TCF4: variants seen among roughly 807,000 people sequenced by gnomAD.
TCF4 encodes SL3-3 enhancer factor 2.
TCF4 carries 3 observed loss-of-function variants against 82.1 expected under a neutral mutation model. That is an observed-to-expected ratio of 0.04 (90% CI 0.02 to 0.09). The LOEUF is 0.09. Ranked by LOEUF, TCF4 falls within the 10% of genes least tolerant of loss-of-function variation. The pLI is 1.00. For synonymous variants in TCF4, 276 were observed against 309.6 expected (o/e 0.89, Z 1.14); for missense variants, 518 against 852.7 (o/e 0.61, Z 4.89).
intron 3 of TCF4, among the ~76,000 whole-genome samples, chr18:55,527,451 G>C (rs527572058): frequency 6.6e-6 from 1 of 152,260 alleles, no homozygotes; most frequent in East Asian, 1.9e-4. Flanking sequence ...TAGGAAATAC[G>C]GAGGAAGCAG....
chr18:55,243,245 GT>G, intron 15 of TCF4, among the ~76,000 whole-genome samples: 2 of 152,318 alleles, frequency 1.3e-5, no homozygotes, highest in Admixed American at 1.3e-4. Context: ...TAAGGACTGT[GT>G]GTTAACATGT....
At chr18:55,274,145 G>T (rs2060980608) in intron 10 of TCF4, among the ~76,000 whole-genome samples, 1 of 152,076 alleles carries the variant, frequency 6.6e-6, no homozygotes, top group Non-Finnish European at 1.5e-5. Flanking sequence ...GGAAAATGAT[G>T]GTGCAGAAAT....
chr18:55,428,893 TG>T (rs1682584488), intron 5 of TCF4, among the ~76,000 whole-genome samples: 2 of 152,068 alleles, frequency 1.3e-5, no homozygotes, highest in South Asian at 4.1e-4. Context: ...TTTGGTGAAC[TG>T]ATGAGAGGTC....
At chr18:55,430,726 G>C (rs2095164905) in intron 5 of TCF4, among the ~76,000 whole-genome samples, 1 of 152,158 alleles carries the variant, frequency 6.6e-6, no homozygotes, top group Admixed American at 6.5e-5. Context: ...GGTTTTAAAA[G>C]ACAAAACGAA....
intron 3 of TCF4, among the ~76,000 whole-genome samples, chr18:55,523,902 A>T (rs2096954920): frequency 6.6e-6 from 1 of 152,154 alleles, no homozygotes; most frequent in African/African-American, 2.4e-5. Flanking sequence ...TTTAAAATGA[A>T]AAATACCACC....
intron 3 of TCF4, among the ~76,000 whole-genome samples, chr18:55,568,798 A>T (rs2097432711): frequency 6.6e-6 from 1 of 152,186 alleles, no homozygotes; most frequent in Non-Finnish European, 1.5e-5. Flanking sequence ...AAAAAATATT[A>T]TATGCCAATC....
chr18:55,368,081 T>A (rs151289957), intron 6 of TCF4, among the ~76,000 whole-genome samples: 3,474 of 152,252 alleles, frequency 0.023, 66 homozygotes, highest in Non-Finnish European at 0.035. Flanking sequence ...AGATTACCCA[T>A]GAAAAAACCT....
chr18:55,257,523 T>C (rs981945832), intron 13 of TCF4, 132 bp from the exon 14 acceptor site: 3 of 837,986 alleles, frequency 3.6e-6, no homozygotes, highest in African/African-American at 1.7e-5. Flanking sequence ...TAAATACATG[T>C]AAACTTCCCA....
At chr18:55,430,645 A>G (rs2095160895) in intron 5 of TCF4, among the ~76,000 whole-genome samples, 1 of 152,180 alleles carries the variant, frequency 6.6e-6, no homozygotes, top group Admixed American at 6.5e-5. Flanking sequence ...AAGCAGGAAA[A>G]AAAAAAAGAG....
chr18:55,620,800 C>CTT lies in TCF4; in HGVS notation c.286+10496_286+10497dup, dbSNP rs35186442. Among the ~76,000 whole-genome samples, 570 of 143,698 alleles carry CTT rather than the reference C, an allele frequency of 4.0e-3. 2 individuals are homozygous for CTT. Among genetic ancestry groups the CTT allele is most frequent in the African/African-American group, 0.012 (473 of 39,112 alleles). The allele number at this position is 143,698 out of a possible 152,430, so 94.3% of individuals were successfully genotyped here. On this transcript the variant is annotated intron_variant, in intron 2 of 20. Coordinates refer to the TCF4 transcript ENST00000398339. ...ATTATCTCATATATTTTGTCCAGTT[C>CTT]TTTTTTTTTTTTTTGGTTCTTGCAG... is the stretch of plus-strand genomic sequence containing the variant.
chr18:55,433,036 T>C (rs1237673438), intron 5 of TCF4, among the ~76,000 whole-genome samples: 1 of 152,164 alleles, frequency 6.6e-6, no homozygotes, highest in East Asian at 1.9e-4. Flanking sequence ...TTTAAAAAAG[T>C]AAAAAAAGTG....
At chr18:55,230,608 T>C (rs191538336) in intron 17 of TCF4, 1 of 152,272 alleles carries the variant, frequency 6.6e-6, no homozygotes, top group East Asian at 1.9e-4. Flanking sequence ...ACAATTAACC[T>C]AAAGGGTAAT....
chr18:55,515,251 T>G (rs1056364265), intron 3 of TCF4, among the ~76,000 whole-genome samples: 2 of 152,116 alleles, frequency 1.3e-5, no homozygotes, highest in Non-Finnish European at 2.9e-5. Flanking sequence ...ACCCAGAGTA[T>G]AAAACTCACG....
chr18:55,375,018 A>C (rs1378880524), intron 6 of TCF4, among the ~76,000 whole-genome samples: 3 of 151,952 alleles, frequency 2.0e-5, no homozygotes, highest in Non-Finnish European at 4.4e-5. Context: ...CAAGATGTCA[A>C]CTAGGCAAAG....
intron 14 of TCF4, 42 bp from the exon 15 acceptor site, chr18:55,254,742 A>G: frequency 6.4e-7 from 1 of 1,554,300 alleles, no homozygotes; most frequent in Non-Finnish European, 8.7e-7. Flanking sequence ...TTAGTTCAAA[A>G]GGGGTGCCTA....
intron 3 of TCF4, among the ~76,000 whole-genome samples, chr18:55,571,347 C>A (rs1008392541): frequency 2.0e-5 from 3 of 152,186 alleles, no homozygotes; most frequent in African/African-American, 7.2e-5. Flanking sequence ...AAACAACATA[C>A]AGTATTGTTT....
intron 2 of TCF4, among the ~76,000 whole-genome samples, chr18:55,621,591 ATT>A (rs2097719366): frequency 5.1e-5 from 1 of 19,778 alleles, no homozygotes; most frequent in Non-Finnish European, 9.1e-5. Flanking sequence ...TATATATTAT[ATT>A]ATATATTATG....
At chr18:55,276,542 G>A (rs971652930) in intron 9 of TCF4, among the ~76,000 whole-genome samples, 6 of 151,972 alleles carry the variant, frequency 3.9e-5, no homozygotes, top group Non-Finnish European at 7.4e-5. Context: ...ACATCCCTAC[G>A]GATTTTTTCA....
In TCF4 at chr18:55,525,735, T is replaced by C. The variant is rs575422989; in HGVS notation, c.145+59545A>G. On this transcript the variant is annotated intron_variant, in intron 3 of 19. Coordinates refer to ENST00000354452, the MANE Select transcript of TCF4 (RefSeq NM_001083962.2). ...ACCTCTGGCCCAAAACTTGCACATG[T>C]AGCAAATGACGCCGATTTACACAGA... Among the ~76,000 whole-genome samples the C allele has an allele frequency of 2.0e-5, 3 of 152,264 alleles. No homozygotes were observed. The Middle Eastern group carries it at 0.01, about 518-fold the overall frequency.
Sources: gnomAD v4.1 joint callset for allele counts (sites outside exome capture counted in the v4.1 genomes callset) on GRCh38, gnomAD v4.1.1 for gene constraint, MANE v1.5 for transcripts, NCBI Gene and HGNC (gene_info 2026-07-23, HGNC 2026-07-21) for gene names.